The following STK39 variants were observed in gnomAD, a reference collection of about 807,000 sequenced individuals.
STK39 encodes STE20/SPS1-related proline-alanine-rich protein kinase.
Under a neutral mutation model 77.8 loss-of-function variants are expected in STK39, and 20 were observed. The ratio of observed to expected loss-of-function variants is 0.26; its 90% CI spans 0.18 to 0.37. The LOEUF (loss-of-function observed/expected upper bound fraction) is 0.37, where lower values mean the gene tolerates loss of function less well. STK39 is among the 10% of genes least tolerant of loss of function. The pLI, the probability that STK39 is intolerant of heterozygous loss-of-function variation, is 1.00. For synonymous variants in STK39, 246 were observed against 234.1 expected (o/e 1.05, Z -0.47); for missense variants, 479 against 656.5 (o/e 0.73, Z 2.95).
At chr2:168,047,827 G>C (rs1384334724) in intron 14 of STK39, among the ~76,000 whole-genome samples, 4 of 152,096 alleles carry the variant, frequency 2.6e-5, no homozygotes, top group Non-Finnish European at 4.4e-5. Flanking sequence ...TGAGTCAAAG[G>C]GTTTTAAAGA....
At chr2:168,073,727 C>A (rs1184234750) in intron 12 of STK39, among the ~76,000 whole-genome samples, 1 of 152,088 alleles carries the variant, frequency 6.6e-6, no homozygotes, top group Non-Finnish European at 1.5e-5. Context: ...TTCCCGGGTT[C>A]GAGCAATTCT....
chr2:168,246,182 C>T (rs1000923660), intron 1 of STK39, among the ~76,000 whole-genome samples: 2 of 152,078 alleles, frequency 1.3e-5, no homozygotes, highest in Non-Finnish European at 2.9e-5. Flanking sequence ...AGGCAACATC[C>T]CATCCCTGCG....
intron 1 of STK39, among the ~76,000 whole-genome samples, chr2:168,208,853 G>A (rs1349099530): frequency 6.6e-6 from 1 of 152,216 alleles, no homozygotes; most frequent in Non-Finnish European, 1.5e-5. Flanking sequence ...CAAGACTGAA[G>A]CTGACTGAGT....
rs1426832662 is a variant in STK39, at chr2:167,956,714, T to A, written c.1564-1144A>T. 3.4e-3 allele frequency among the ~76,000 whole-genome samples: 161 copies of A among 48,046 alleles called. 6 individuals carry two copies. Among genetic ancestry groups the A allele is most frequent in the Middle Eastern group, 0.015 (2 of 134 alleles). The allele number at this position is 48,046 out of a possible 152,430, so 31.5% of individuals were successfully genotyped here. A position where few individuals can be genotyped will look rare whatever the true frequency, so the allele number is the denominator to read the frequency against. ...CACACACACTCTCTCTCTCTCTCTC[T>A]CTCTCTCTCTCTCTCCCCCCCCGCC... On this transcript the variant is annotated intron_variant, in intron 17 of 17. Transcript: ENST00000355999.
At chr2:167,960,934 G>C (rs1691939108) in intron 17 of STK39, among the ~76,000 whole-genome samples, 1 of 152,154 alleles carries the variant, frequency 6.6e-6, no homozygotes. Context: ...GCCCCCAAGA[G>C]ATTCTCATTC....
intron 16 of STK39, among the ~76,000 whole-genome samples, chr2:167,989,043 T>C (rs1683633520): frequency 6.6e-6 from 1 of 152,172 alleles, no homozygotes; most frequent in South Asian, 2.1e-4. Context: ...CTTGCTGTTA[T>C]TTTTCTTTCT....
intron 14 of STK39, among the ~76,000 whole-genome samples, chr2:168,037,014 A>C (rs1483635791): frequency 6.6e-6 from 1 of 152,240 alleles, no homozygotes; most frequent in African/African-American, 2.4e-5. Context: ...TTTCAAGGGA[A>C]AGCCTTAGGC....
At chr2:168,142,326 T>A (rs1330811831) in intron 5 of STK39, among the ~76,000 whole-genome samples, 1 of 152,192 alleles carries the variant, frequency 6.6e-6, no homozygotes, top group Non-Finnish European at 1.5e-5. Context: ...TAATTTCAAC[T>A]TAATTTATAT....
chr2:168,162,399 T>C (rs1574516125), intron 4 of STK39, among the ~76,000 whole-genome samples: 2 of 150,820 alleles, frequency 1.3e-5, no homozygotes, highest in Non-Finnish European at 3.0e-5. Flanking sequence ...GAAATAATTA[T>C]CCAAATTTAA....
At chr2:168,033,073 C>A (rs537354816) in intron 14 of STK39, among the ~76,000 whole-genome samples, 107 of 152,202 alleles carry the variant, frequency 7.0e-4, no homozygotes, top group African/African-American at 2.5e-3. Context: ...ACAGGTCTGC[C>A]AACATAAGTA....
intron 8 of STK39, among the ~76,000 whole-genome samples, chr2:168,135,711 A>G (rs1032331150): frequency 3.9e-5 from 6 of 152,186 alleles, no homozygotes; most frequent in African/African-American, 1.4e-4. Context: ...CCATTCTTAC[A>G]TTGCATAGAT....
At chr2:168,076,417 T>C (rs1453908384) in intron 10 of STK39, among the ~76,000 whole-genome samples, 1 of 152,234 alleles carries the variant, frequency 6.6e-6, no homozygotes, top group Admixed American at 6.5e-5. Context: ...ATAGACACTA[T>C]TTAGTTGCAT....
At chr2:168,195,900 C>T (rs548745924) in intron 1 of STK39, among the ~76,000 whole-genome samples, 30 of 152,254 alleles carry the variant, frequency 2.0e-4, no homozygotes, top group Admixed American at 9.2e-4. Flanking sequence ...ACCTGTAATC[C>T]CAGCTACTCA....
intron 2 of STK39, among the ~76,000 whole-genome samples, chr2:168,173,980 T>A (rs1016178870): frequency 3.3e-5 from 5 of 152,242 alleles, no homozygotes; most frequent in African/African-American, 1.2e-4. Flanking sequence ...CACTTACAAA[T>A]CAATCAACGA....
intron 16 of STK39, among the ~76,000 whole-genome samples, chr2:167,982,051 G>A (rs191647788): frequency 4.6e-5 from 7 of 152,320 alleles, no homozygotes; most frequent in African/African-American, 1.7e-4. Flanking sequence ...GATACAGTTC[G>A]TGGAGTCATT....
chr2:167,979,540 C>G (rs79102043), intron 16 of STK39, among the ~76,000 whole-genome samples: 5,770 of 152,208 alleles, frequency 0.038, 395 homozygotes, highest in African/African-American at 0.13. Context: ...TAGGTAGAAG[C>G]CTCTTTCTAA....
chr2:168,115,112 T>C lies in STK39; in HGVS notation c.1089+14429A>G, dbSNP rs561319706. Among the ~76,000 whole-genome samples the C allele has an allele frequency of 4.1e-4, 62 of 152,260 alleles. No individual in the cohort carries two copies. In the South Asian group the frequency reaches 6.6e-3, roughly 16 times the overall value. ...TATAATCTAATCTCTCCTAAAGTACTGAAAGTCTCAAGGTTGCAGAACCAC... is the reference window on the plus strand; with the variant it reads ...TATAATCTAATCTCTCCTAAAGTACCGAAAGTCTCAAGGTTGCAGAACCAC... On this transcript the variant is annotated intron_variant, in intron 10 of 17. Transcript: ENST00000355999.
intron 14 of STK39, among the ~76,000 whole-genome samples, chr2:168,060,870 A>G (rs1309432571): frequency 6.6e-6 from 1 of 151,404 alleles, no homozygotes; most frequent in Non-Finnish European, 1.5e-5. Flanking sequence ...AATGGTTTCC[A>G]ACAGATGTCA....
intron 17 of STK39, among the ~76,000 whole-genome samples, chr2:167,957,503 T>C (rs1691819960): frequency 6.6e-6 from 1 of 152,220 alleles, no homozygotes; most frequent in Admixed American, 6.5e-5. Context: ...TGTTTCTTTA[T>C]CTACCTTCCT....
Sources: gnomAD v4.1 joint callset for allele counts (sites outside exome capture counted in the v4.1 genomes callset) on GRCh38, gnomAD v4.1.1 for gene constraint, MANE v1.5 for transcripts, NCBI Gene and HGNC (gene_info 2026-07-23, HGNC 2026-07-21) for gene names.